ANTXR2: variants seen among roughly 807,000 people sequenced by gnomAD.
The protein encoded by ANTXR2 is ANTXR cell adhesion molecule 2.
Under a neutral mutation model 73.7 loss-of-function variants are expected in ANTXR2, and 44 were observed. The observed-to-expected ratio is 0.60, with a 90% CI of 0.47 to 0.77. ANTXR2 has a LOEUF of 0.77. Ranked by LOEUF, ANTXR2 falls within the 30% of genes least tolerant of loss-of-function variation. ANTXR2 has a pLI of 0.00. For missense variants in ANTXR2, 604 were observed against 592.5 expected (o/e 1.02, Z -0.20); for synonymous variants, 217 against 205.9 (o/e 1.05, Z -0.46).
intron 10 of ANTXR2, among the ~76,000 whole-genome samples, chr4:80,023,445 G>C (rs909445348): frequency 2.6e-5 from 4 of 152,192 alleles, no homozygotes; most frequent in Non-Finnish European, 5.9e-5. Flanking sequence ...TAGTAGCAAT[G>C]ATAATTGGGC....
At chr4:79,948,877 G>A (rs1344512314) in intron 16 of ANTXR2, among the ~76,000 whole-genome samples, 1 of 152,062 alleles carries the variant, frequency 6.6e-6, no homozygotes, top group Non-Finnish European at 1.5e-5. Context: ...TTTAATGTAG[G>A]CATTATGATA....
intron 16 of ANTXR2, among the ~76,000 whole-genome samples, chr4:79,962,249 ATATAGT>A (rs1477747572): frequency 2.0e-5 from 3 of 152,178 alleles, no homozygotes; most frequent in African/African-American, 7.2e-5. Context: ...ATATGCATAT[ATATAGT>A]TATAAACATG....
At chr4:79,980,286 A>G (rs538038632) in intron 14 of ANTXR2, among the ~76,000 whole-genome samples, 1 of 152,246 alleles carries the variant, frequency 6.6e-6, no homozygotes, top group Non-Finnish European at 1.5e-5. Context: ...CACTTACTCA[A>G]AGTCTGAAAC....
At chr4:79,944,264 C>T (rs768682034) in intron 16 of ANTXR2, among the ~76,000 whole-genome samples, 3,627 of 76,450 alleles carry the variant, frequency 0.047, 126 homozygotes, top group Middle Eastern at 0.16. Flanking sequence ...CTAATTCAGC[C>T]CCTACAGAAA....
At chr4:79,954,279 A>C (rs1260634274) in intron 16 of ANTXR2, among the ~76,000 whole-genome samples, 2 of 152,126 alleles carry the variant, frequency 1.3e-5, no homozygotes, top group Non-Finnish European at 2.9e-5. Context: ...TTGGCCTTCT[A>C]AAATGCTGGG....
intron 12 of ANTXR2, among the ~76,000 whole-genome samples, chr4:80,001,299 G>C (rs1021313868): frequency 1.4e-5 from 2 of 146,994 alleles, no homozygotes; most frequent in Non-Finnish European, 3.0e-5. Context: ...TATATCTCCC[G>C]ATGCTATCCC....
At chr4:80,000,528 G>A (rs1730980113) in intron 12 of ANTXR2, among the ~76,000 whole-genome samples, 2 of 152,012 alleles carry the variant, frequency 1.3e-5, no homozygotes. Context: ...AATACACACA[G>A]TACCTGCCTT....
chr4:79,974,321 T>C (rs543167192), intron 16 of ANTXR2, among the ~76,000 whole-genome samples: 5 of 152,156 alleles, frequency 3.3e-5, no homozygotes, highest in Non-Finnish European at 5.9e-5. Flanking sequence ...AATCATAATA[T>C]GTATCTGATG....
intron 10 of ANTXR2, among the ~76,000 whole-genome samples, chr4:80,022,437 T>C (rs1225681025): frequency 6.6e-6 from 1 of 152,220 alleles, no homozygotes; most frequent in Non-Finnish European, 1.5e-5. Flanking sequence ...GGCACCATCA[T>C]TAAGCTAGAG....
chr4:79,925,473 T>TA (rs1264867500), intron 16 of ANTXR2, among the ~76,000 whole-genome samples: 4 of 152,100 alleles, frequency 2.6e-5, no homozygotes, highest in African/African-American at 9.7e-5. Context: ...TAACACCATG[T>TA]AAATGTATTA....
chr4:79,952,003 T>G (rs574486800), intron 16 of ANTXR2, among the ~76,000 whole-genome samples: 22 of 152,112 alleles, frequency 1.4e-4, no homozygotes, highest in Non-Finnish European at 2.4e-4. Flanking sequence ...TATTAAATAT[T>G]TTGGGGTTTC....
At chr4:79,908,363 T>C (rs1391223491) in intron 16 of ANTXR2, among the ~76,000 whole-genome samples, 6 of 152,184 alleles carry the variant, frequency 3.9e-5, no homozygotes, top group African/African-American at 1.4e-4. Context: ...GAGTGTCTCT[T>C]TATTTCCCTC....
chr4:79,922,471 G>A (rs972111157), intron 16 of ANTXR2, among the ~76,000 whole-genome samples: 2 of 151,978 alleles, frequency 1.3e-5, no homozygotes, highest in African/African-American at 2.4e-5. Flanking sequence ...ACCATCTCTA[G>A]AGATATAATT....
At chr4:79,999,191 C>A (rs1436152897) in intron 12 of ANTXR2, among the ~76,000 whole-genome samples, 1 of 151,976 alleles carries the variant, frequency 6.6e-6, no homozygotes, top group Admixed American at 6.6e-5. Flanking sequence ...CAAATCTCAT[C>A]TCGAATTGTA....
At chr4:80,024,818 T>A in intron 10 of ANTXR2, 1 of 284,436 alleles carries the variant, frequency 3.5e-6, no homozygotes, top group Non-Finnish European at 7.2e-6. Flanking sequence ...AAGGGATATC[T>A]GAGGAGAAAG....
chr4:79,951,135 T>G (rs1026766354), intron 16 of ANTXR2, among the ~76,000 whole-genome samples: 6 of 152,182 alleles, frequency 3.9e-5, no homozygotes, highest in African/African-American at 1.4e-4. Flanking sequence ...TCATGAAGTC[T>G]TAGTACAAAA....
At chr4:80,027,719 T>G (rs1732506374) in intron 10 of ANTXR2, among the ~76,000 whole-genome samples, 1 of 152,218 alleles carries the variant, frequency 6.6e-6, no homozygotes, top group African/African-American at 2.4e-5. Flanking sequence ...TTCTTCACAA[T>G]GTGTTTATGT....
intron 16 of ANTXR2, among the ~76,000 whole-genome samples, chr4:79,974,381 G>A (rs1447761487): frequency 6.6e-6 from 1 of 152,162 alleles, no homozygotes; most frequent in East Asian, 1.9e-4. Flanking sequence ...TACTAAGCCT[G>A]AAGTCCCGCA....
chr4:80,034,828 T>C (rs1560414902), intron 8 of ANTXR2, among the ~76,000 whole-genome samples: 1 of 152,154 alleles, frequency 6.6e-6, no homozygotes, highest in Non-Finnish European at 1.5e-5. Context: ...AGTCATTAAC[T>C]ATGCAAGAAA....
Sources: gnomAD v4.1 joint callset for allele counts (sites outside exome capture counted in the v4.1 genomes callset) on GRCh38, gnomAD v4.1.1 for gene constraint, MANE v1.5 for transcripts, NCBI Gene and HGNC (gene_info 2026-07-23, HGNC 2026-07-21) for gene names.